SEL1L2: variants seen among roughly 807,000 people sequenced by gnomAD.
SEL1L2 encodes the protein SEL1L2 adaptor subunit of SYVN1 ubiquitin ligase.
A neutral mutation model predicts 98.8 loss-of-function variants in SEL1L2; 89 were observed. The observed-to-expected ratio is 0.90, with a 90% CI of 0.76 to 1.07. The LOEUF is 1.07. Ranked by LOEUF, SEL1L2 falls within the 50% of genes least tolerant of loss-of-function variation. SEL1L2 has a pLI of 0.00. For synonymous variants in SEL1L2, 262 were observed against 278.5 expected (o/e 0.94, Z 0.59); for missense variants, 788 against 812.0 (o/e 0.97, Z 0.36).
At chr20:13,854,181 AT>A (rs1269099682) in intron 18 of SEL1L2, among the ~76,000 whole-genome samples, 2 of 152,194 alleles carry the variant, frequency 1.3e-5, no homozygotes, top group African/African-American at 4.8e-5. Flanking sequence ...TGACAGGTCT[AT>A]TGATAATTTA....
rs756263768 is a variant in SEL1L2 at position 13,888,490 on chromosome 20, T to A, written c.572A>T (p.Tyr191Phe). The A allele has an allele frequency of 6.4e-7, 1 of 1,564,950 alleles. No individual in the cohort carries two copies. Among genetic ancestry groups the A allele is most frequent in the Admixed American group, 1.8e-5 (1 of 55,078 alleles). The stretch of plus-strand genomic sequence containing the variant: ...TTGATCATATTCCATTCCTATTCCA[T>A]AAGAAGACAAAAATCCTAATGCCTA... ...AQNALGFLSSYGIGMEYDQAK... is the reference protein window; with the variant it reads ...AQNALGFLSSFGIGMEYDQAK... Residue 191 changes from tyrosine (Y) to phenylalanine (F), a missense_variant, in exon 6 of 20, where the codon TAT becomes TTT. Coordinates refer to ENST00000284951, the MANE Select transcript of SEL1L2 (RefSeq NM_025229.2).
intron 2 of SEL1L2, among the ~76,000 whole-genome samples, chr20:13,951,276 C>CAAAA (rs764034768): frequency 2.8e-3 from 71 of 25,306 alleles, no homozygotes; most frequent in Admixed American, 4.0e-3. Flanking sequence ...GACTCCGTCT[C>CAAAA]AAAAAAAAAA....
At chr20:13,978,300 C>T (rs1438644689) in intron 1 of SEL1L2, among the ~76,000 whole-genome samples, 1 of 152,180 alleles carries the variant, frequency 6.6e-6, no homozygotes, top group Non-Finnish European at 1.5e-5. Context: ...TGTATATCCA[C>T]TGCAGAAGAA....
intron 5 of SEL1L2, among the ~76,000 whole-genome samples, chr20:13,905,192 C>T (rs1456717580): frequency 6.6e-6 from 1 of 152,034 alleles, no homozygotes; most frequent in African/African-American, 2.4e-5. Flanking sequence ...GAGGGCTCAG[C>T]TTTAATTTAA....
At position 13,869,825 on chromosome 20, in the gene SEL1L2, A is replaced by G. The variant is rs1287490772; in HGVS notation, c.1168-235T>C. Among the ~76,000 whole-genome samples the G allele has an allele frequency of 2.6e-5, 4 of 152,226 alleles. No individual in the cohort carries two copies. The East Asian group carries it at 7.7e-4, about 29-fold the overall frequency. ...CTACATTGACAGTAAGTTTTGTTAGATATTGGGGGAAGGTCACTCAAAAGA... is the reference window on the plus strand; with the variant it reads ...CTACATTGACAGTAAGTTTTGTTAGGTATTGGGGGAAGGTCACTCAAAAGA... On this transcript the variant is annotated intron_variant, in intron 13 of 19. Transcript: ENST00000284951.
Position 13,849,594 on chromosome 20 carries a change from C to T in SEL1L2, c.1958G>A (p.Arg653Lys), listed in dbSNP as rs770442031. ...RDILFFNFTT[R>K]WNWLKLDNTI... The stretch of plus-strand genomic sequence containing the variant: ...GTTGTCCAGTTTCAGCCAGTTCCAT[C>T]TCGTTGTGAACTGCTGGCAAGAGAC... Residue 653 changes from arginine (R) to lysine (K), a missense_variant, in exon 20 of 20, where the codon AGA (arginine) becomes AAA (lysine). Transcript: ENST00000284951. The T allele has an allele frequency of 1.1e-5, 17 of 1,613,908 alleles. No individual in the cohort carries two copies. In the South Asian group the frequency reaches 1.6e-4, roughly 16 times the overall value.
intron 2 of SEL1L2, among the ~76,000 whole-genome samples, chr20:13,941,943 T>C (rs976813134): frequency 2.0e-5 from 3 of 152,204 alleles, no homozygotes; most frequent in South Asian, 4.1e-4. Flanking sequence ...TCCTTAACAA[T>C]CTATGTCCCT....
chr20:13,987,957 C>G (rs900112746), intron 1 of SEL1L2, among the ~76,000 whole-genome samples: 4 of 152,130 alleles, frequency 2.6e-5, no homozygotes, highest in Admixed American at 6.5e-5. Flanking sequence ...AGATATCCTC[C>G]AAAACAGAAG....
chr20:13,896,638 A>T, intron 5 of SEL1L2, among the ~76,000 whole-genome samples: 1 of 152,184 alleles, frequency 6.6e-6, no homozygotes, highest in East Asian at 1.9e-4. Context: ...CCAAGGAAGA[A>T]AAGAAAACAC....
intron 5 of SEL1L2, among the ~76,000 whole-genome samples, chr20:13,907,618 G>C (rs1182108451): frequency 1.3e-5 from 2 of 152,198 alleles, no homozygotes; most frequent in South Asian, 2.1e-4. Flanking sequence ...ACCACACTTA[G>C]AGATCACCAC....
intron 12 of SEL1L2, among the ~76,000 whole-genome samples, chr20:13,875,371 T>C (rs2046386051): frequency 1.3e-5 from 2 of 152,176 alleles, no homozygotes; most frequent in Admixed American, 6.5e-5. Context: ...TCCCAAAGTG[T>C]TGGGATTACA....
intron 17 of SEL1L2, among the ~76,000 whole-genome samples, chr20:13,863,259 A>G (rs1387875511): frequency 6.6e-6 from 1 of 152,202 alleles, no homozygotes; most frequent in African/African-American, 2.4e-5. Flanking sequence ...AATTCTGTGC[A>G]TTGTCAAGTT....
At chr20:13,882,941 C>CA (rs1180950388) in intron 10 of SEL1L2, among the ~76,000 whole-genome samples, 2 of 150,942 alleles carry the variant, frequency 1.3e-5, no homozygotes, top group Non-Finnish European at 3.0e-5. Context: ...CTCAGCCTCC[C>CA]AAGTAGCTGG....
intron 15 of SEL1L2, 49 bp from the exon 16 acceptor site, chr20:13,865,563 ACC>A: frequency 6.7e-7 from 1 of 1,497,306 alleles, no homozygotes; most frequent in Non-Finnish European, 9.1e-7. Context: ...AGTATGCTTC[ACC>A]CCAGGCAAAT....
intron 4 of SEL1L2, among the ~76,000 whole-genome samples, chr20:13,916,765 C>G (rs2048422121): frequency 2.0e-5 from 3 of 152,060 alleles, no homozygotes. Context: ...GAGATTGTGC[C>G]ACTGCATTCC....
intron 1 of SEL1L2, among the ~76,000 whole-genome samples, chr20:13,971,729 C>G (rs979220414): frequency 2.6e-5 from 4 of 152,170 alleles, no homozygotes; most frequent in Admixed American, 2.6e-4. Flanking sequence ...GCCACCGTGC[C>G]TGGCTACAAT....
chr20:13,976,924 A>G (rs6110114), intron 1 of SEL1L2, among the ~76,000 whole-genome samples: 55,659 of 151,962 alleles, frequency 0.37, 10,816 homozygotes, highest in South Asian at 0.48. Context: ...GACCCGGGAG[A>G]AGCAATTTCA....
upstream of SEL1L2, chr20:13,994,888 C>T (rs1480455436): frequency 6.6e-6 from 1 of 152,244 alleles, no homozygotes; most frequent in Non-Finnish European, 1.5e-5. Flanking sequence ...CTAAACTTCA[C>T]CAAATTCCAA....
chr20:13,851,859 C>CG (rs147957222), intron 18 of SEL1L2, among the ~76,000 whole-genome samples: 4 of 149,344 alleles, frequency 2.7e-5, no homozygotes, highest in Non-Finnish European at 5.9e-5. Flanking sequence ...TGTTTTTTTG[C>CG]GGGGGGTGGG....
Sources: allele counts gnomAD v4.1 joint callset (sites outside exome capture counted in the v4.1 genomes callset), GRCh38; gene constraint gnomAD v4.1.1; transcripts MANE v1.5; gene names NCBI Gene and HGNC (gene_info 2026-07-23, HGNC 2026-07-21).